The following TLK1 variants were observed in gnomAD, a reference collection of about 807,000 sequenced individuals.
TLK1 encodes the protein tousled like kinase 1.
TLK1 carries 24 observed loss-of-function variants against 105.3 expected under a neutral mutation model. The observed-to-expected ratio is 0.23, with a 90% CI of 0.17 to 0.32. The LOEUF is 0.32. Ranked by LOEUF, TLK1 falls within the 10% of genes least tolerant of loss-of-function variation. TLK1 has a pLI of 1.00. For missense variants in TLK1, 558 were observed against 910.5 expected, an observed-to-expected ratio of 0.61 and a Z score of 4.98; for synonymous variants, 321 against 310.4, an observed-to-expected ratio of 1.03 and a Z score of -0.36.
chr2:171,080,080 C>T (rs1171949185), intron 3 of TLK1, among the ~76,000 whole-genome samples: 3 of 150,726 alleles, frequency 2.0e-5, no homozygotes, highest in African/African-American at 4.9e-5. Context: ...GCCTATAATC[C>T]CAGCTATTCA....
At chr2:171,165,019 G>A (rs1006716146), upstream of TLK1, among the ~76,000 whole-genome samples, 1 of 152,106 alleles carries the variant, frequency 6.6e-6, no homozygotes, top group African/African-American at 2.4e-5. Flanking sequence ...AAAAAATATA[G>A]AAAAGTCAGA....
intron 1 of TLK1, among the ~76,000 whole-genome samples, chr2:171,226,618 A>G (rs1693903414): frequency 6.6e-6 from 1 of 152,242 alleles, no homozygotes; most frequent in South Asian, 2.1e-4. Context: ...AGAAGCAAGT[A>G]GACAACATTT....
At chr2:171,088,090 G>T (rs182047632) in intron 2 of TLK1, among the ~76,000 whole-genome samples, 1 of 152,126 alleles carries the variant, frequency 6.6e-6, no homozygotes, top group African/African-American at 2.4e-5. Context: ...CAGCACTTTG[G>T]GGGGCTGAAG....
intron 2 of TLK1, among the ~76,000 whole-genome samples, chr2:171,095,957 A>C (rs1351517182): frequency 6.6e-6 from 1 of 152,190 alleles, no homozygotes; most frequent in African/African-American, 2.4e-5. Context: ...GATCAGGAAC[A>C]AGACAAGTAA....
intron 1 of TLK1, among the ~76,000 whole-genome samples, chr2:171,174,054 T>C (rs1468449767): frequency 6.6e-6 from 1 of 152,150 alleles, no homozygotes; most frequent in Non-Finnish European, 1.5e-5. Context: ...AGTTCAAACT[T>C]TTATTATTTT....
chr2:171,018,850 G>A (rs1245259779), intron 12 of TLK1, among the ~76,000 whole-genome samples: 1 of 152,120 alleles, frequency 6.6e-6, no homozygotes, highest in Non-Finnish European at 1.5e-5. Flanking sequence ...TTACAATGAA[G>A]AAGAGACATA....
At chr2:170,997,413 G>A (rs1293595024) in intron 19 of TLK1, among the ~76,000 whole-genome samples, 1 of 152,028 alleles carries the variant, frequency 6.6e-6, no homozygotes, top group African/African-American at 2.4e-5. Context: ...TCAAGTGAAT[G>A]GTGGATAATG....
intron 1 of TLK1, among the ~76,000 whole-genome samples, chr2:171,139,577 G>C (rs1202332451): frequency 6.6e-6 from 1 of 152,120 alleles, no homozygotes; most frequent in Non-Finnish European, 1.5e-5. Flanking sequence ...CTGGGCAACA[G>C]AGTGAGACTC....
At chr2:171,078,481 T>C (rs1204528538) in intron 3 of TLK1, among the ~76,000 whole-genome samples, 1 of 151,882 alleles carries the variant, frequency 6.6e-6, no homozygotes, top group Admixed American at 6.6e-5. Flanking sequence ...GAGGTTGTGG[T>C]GAGCTGAGAT....
Position 170,993,668 on chromosome 2 carries a change from T to TAAAAAA in TLK1, c.*106_*111dup, listed in dbSNP as rs71008739. 1.4e-4 allele frequency: 61 copies of TAAAAAA among 433,768 alleles called. 1 individual carries two copies. Among genetic ancestry groups the TAAAAAA allele is most frequent in the South Asian group, 5.0e-4 (7 of 13,934 alleles). The allele number at this position is 433,768 out of a possible 1,614,324, so 26.9% of individuals were successfully genotyped here. A position where few individuals can be genotyped will look rare whatever the true frequency, so the allele number is the denominator to read the frequency against. ...AAACAGTTCTTAACCACGTCTTGTG[T>TAAAAAA]AAAAAAAAAAAAAAAAAAAAAAGAA... On this transcript the variant is annotated 3_prime_UTR_variant, in exon 21 of 21. Transcript: ENST00000431350.
chr2:171,082,186 G>A (rs1688786146), intron 3 of TLK1, among the ~76,000 whole-genome samples: 1 of 151,890 alleles, frequency 6.6e-6, no homozygotes, highest in South Asian at 2.1e-4. Flanking sequence ...ATGTCATCAA[G>A]TATATCATGC....
intron 1 of TLK1, among the ~76,000 whole-genome samples, chr2:171,186,814 C>CT (rs1693032940): frequency 6.6e-6 from 1 of 151,974 alleles, no homozygotes; most frequent in Admixed American, 6.6e-5. Flanking sequence ...AATCTCAGTA[C>CT]TTTGGGAGGC....
rs1353534612 is a variant in TLK1, at chr2:171,196,048, A to AAG, written c.-6+35096_-6+35097insCT. Reference sequence around the variant, plus strand: ...GTGAGACTCTGTATCAAAAAAAAAAAAAAAGAAAGAAAGAAAAAGGAAGGA... The same window carrying AAG: ...GTGAGACTCTGTATCAAAAAAAAAAAAGAAAAGAAAGAAAGAAAAAGGAAGGA... On this transcript the variant is annotated intron_variant, in intron 1 of 20. Transcript: ENST00000521943. Among the ~76,000 whole-genome samples the AAG allele has an allele frequency of 2.0e-5, 3 of 150,582 alleles. No homozygotes were observed. In the East Asian group the frequency reaches 5.8e-4, roughly 29 times the overall value.
chr2:171,155,160 A>G (rs1215315118), intron 1 of TLK1, among the ~76,000 whole-genome samples: 1 of 152,182 alleles, frequency 6.6e-6, no homozygotes, highest in Non-Finnish European at 1.5e-5. Flanking sequence ...AAAACATTAG[A>G]ATAACTTAAG....
At chr2:171,049,043 C>T (rs965826380) in intron 10 of TLK1, among the ~76,000 whole-genome samples, 4 of 152,184 alleles carry the variant, frequency 2.6e-5, no homozygotes, top group South Asian at 2.1e-4. Flanking sequence ...AACCAAACAC[C>T]GCATGTTCTC....
intron 1 of TLK1, among the ~76,000 whole-genome samples, chr2:171,127,250 C>T (rs1466771512): frequency 6.8e-6 from 1 of 147,274 alleles, no homozygotes; most frequent in Admixed American, 6.9e-5. Context: ...GCACTCCAGC[C>T]TGGCCAACAG....
At position 171,184,107 on chromosome 2, in the gene TLK1, G is replaced by C. The variant is rs115416012; in HGVS notation, c.-6+47038C>G. On this transcript the variant is annotated intron_variant, in intron 1 of 20. Coordinates refer to the TLK1 transcript ENST00000521943. ...ATGTGACTACAGAAGAATGGTCAGAGACGTGCAATGTTACAGGCTTTGGAG... is the reference window on the plus strand; with the variant it reads ...ATGTGACTACAGAAGAATGGTCAGACACGTGCAATGTTACAGGCTTTGGAG... Among the ~76,000 whole-genome samples the C allele has an allele frequency of 7.3e-3, 1,114 of 152,290 alleles. 6 individuals carry two copies. Among genetic ancestry groups the C allele is most frequent in the Non-Finnish European group, 0.012 (808 of 68,026 alleles).
chr2:171,168,934 C>T (rs1001512290), intron 1 of TLK1, among the ~76,000 whole-genome samples: 10 of 151,892 alleles, frequency 6.6e-5, no homozygotes, highest in African/African-American at 1.2e-4. Flanking sequence ...TACAAAAAGC[C>T]GGGTGTGGTG....
At chr2:171,012,864 T>A (rs1048760922) in intron 13 of TLK1, among the ~76,000 whole-genome samples, 4 of 152,164 alleles carry the variant, frequency 2.6e-5, no homozygotes, top group Non-Finnish European at 5.9e-5. Flanking sequence ...CTTGTAGATA[T>A]AAGAAATTTC....
Sources: allele counts gnomAD v4.1 joint callset (sites outside exome capture counted in the v4.1 genomes callset), GRCh38; gene constraint gnomAD v4.1.1; transcripts MANE v1.5; gene names NCBI Gene and HGNC (gene_info 2026-07-23, HGNC 2026-07-21).